The following AGBL1 variants were observed in gnomAD, a reference collection of about 807,000 sequenced individuals.
AGBL1 encodes the protein cytosolic carboxypeptidase 4.
A neutral mutation model predicts 118.9 loss-of-function variants in AGBL1; 130 were observed. The observed-to-expected ratio is 1.09, with a 90% CI of 0.95 to 1.26. The LOEUF is 1.26. Ranked by LOEUF, AGBL1 falls within the 50% of genes most tolerant of loss-of-function variation. AGBL1 has a pLI of 0.00. For synonymous variants in AGBL1, 555 were observed against 478.9 expected, an observed-to-expected ratio of 1.16 and a Z score of -2.08; for missense variants, 1,584 against 1,298.1, an observed-to-expected ratio of 1.22 and a Z score of -3.38.
chr15:86,325,545 T>C (rs2080170936), intron 17 of AGBL1, among the ~76,000 whole-genome samples: 1 of 152,098 alleles, frequency 6.6e-6, no homozygotes, highest in Non-Finnish European at 1.5e-5. Context: ...AAATACACGA[T>C]AGGGAATCAG....
At chr15:86,839,070 T>C (rs932809085) in intron 22 of AGBL1, among the ~76,000 whole-genome samples, 10 of 149,408 alleles carry the variant, frequency 6.7e-5, no homozygotes, top group Admixed American at 1.3e-4. Flanking sequence ...CATATTATAA[T>C]CCAAAGGTTG....
At chr15:86,798,398 A>T (rs1326676244) in intron 22 of AGBL1, among the ~76,000 whole-genome samples, 1 of 152,134 alleles carries the variant, frequency 6.6e-6, no homozygotes, top group Non-Finnish European at 1.5e-5. Flanking sequence ...CTTAAGGATT[A>T]TGTAAACAAA....
chr15:86,120,195 T>C (rs1267644178), intron 1 of AGBL1, among the ~76,000 whole-genome samples: 2 of 152,170 alleles, frequency 1.3e-5, no homozygotes, highest in African/African-American at 4.8e-5. Flanking sequence ...TACTTGGGGC[T>C]GTAAGATATG....
At chr15:86,919,953 G>C (rs941767493), downstream of AGBL1, among the ~76,000 whole-genome samples, 1 of 152,118 alleles carries the variant, frequency 6.6e-6, no homozygotes, top group Non-Finnish European at 1.5e-5. Flanking sequence ...GCAGGCTCAT[G>C]GGGGAGGGAT....
intron 10 of AGBL1, among the ~76,000 whole-genome samples, chr15:86,263,892 A>G (rs2079031094): frequency 6.6e-6 from 1 of 152,220 alleles, no homozygotes; most frequent in Non-Finnish European, 1.5e-5. Context: ...ATTTCAGTTT[A>G]GTATAAAAAT....
chr15:86,272,889 A>T (rs2079184196), intron 15 of AGBL1, among the ~76,000 whole-genome samples: 1 of 152,150 alleles, frequency 6.6e-6, no homozygotes, highest in Admixed American at 6.5e-5. Context: ...TCTCTGGCTC[A>T]CCTATCTTAA....
chr15:86,387,049 G>C (rs968005539), intron 17 of AGBL1, among the ~76,000 whole-genome samples: 8 of 152,148 alleles, frequency 5.3e-5, no homozygotes, highest in Non-Finnish European at 1.0e-4. Context: ...GAGAAATAAG[G>C]TATGGAAAGC....
chr15:86,739,730 A>G (rs2077651093), intron 22 of AGBL1, among the ~76,000 whole-genome samples: 1 of 152,140 alleles, frequency 6.6e-6, no homozygotes, highest in Non-Finnish European at 1.5e-5. Flanking sequence ...TACTTTTATC[A>G]TTGTCCCTTT....
intron 22 of AGBL1, among the ~76,000 whole-genome samples, chr15:86,845,674 A>G (rs1485721190): frequency 1.3e-5 from 2 of 152,154 alleles, no homozygotes; most frequent in African/African-American, 4.8e-5. Flanking sequence ...ATCTTTTTTG[A>G]TAGAGCACCA....
chr15:86,759,692 A>G (rs891802019), intron 22 of AGBL1, among the ~76,000 whole-genome samples: 1 of 152,126 alleles, frequency 6.6e-6, no homozygotes, highest in Non-Finnish European at 1.5e-5. Context: ...GATACAGAAT[A>G]TGGAAGAACA....
chr15:86,176,733 G>A (rs906858559), intron 5 of AGBL1, among the ~76,000 whole-genome samples: 9 of 152,112 alleles, frequency 5.9e-5, no homozygotes, highest in Non-Finnish European at 1.3e-4. Context: ...TTGGGTCTGG[G>A]GAGTGTGTGG....
chr15:86,552,519 G>GC (rs1238602199), intron 20 of AGBL1, among the ~76,000 whole-genome samples: 2 of 152,138 alleles, frequency 1.3e-5, no homozygotes, highest in Admixed American at 6.5e-5. Context: ...TATTTGACCA[G>GC]CCCCCCAGGG....
chr15:86,190,762 T>G (rs2077706777), intron 5 of AGBL1, among the ~76,000 whole-genome samples: 2 of 152,164 alleles, frequency 1.3e-5, no homozygotes, highest in Non-Finnish European at 2.9e-5. Context: ...TTAACGACAT[T>G]TATGTAGAAT....
Position 86,256,959 on chromosome 15 carries a change from C to T in AGBL1, c.842C>T (p.Ala281Val). 1 of 1,613,926 alleles carries T rather than the reference C, an allele frequency of 6.2e-7. No individual in the cohort carries two copies. The highest frequency in any genetic ancestry group is 8.5e-7 in the Non-Finnish European group (1 of 1,179,864). ...CTTCCCTTGGTCACAGCCAGCAGTG[C>T]CTATGCCTTCCCGGTCCCCGGGTGC... Reference protein sequence around the residue: ...SPLPLVTASSAYAFPVPGCIT... With the variant: ...SPLPLVTASSVYAFPVPGCIT... Residue 281 changes from alanine to valine, a missense_variant, in exon 8 of 23, where the codon GCC becomes GTC. Ala to Val is a moderately conservative substitution (Grantham distance 64). Transcript: ENST00000614907.
At chr15:86,901,294 A>C (rs1338869980) in intron 22 of AGBL1, among the ~76,000 whole-genome samples, 1 of 152,112 alleles carries the variant, frequency 6.6e-6, no homozygotes, top group East Asian at 1.9e-4. Context: ...AGTTTTAGAA[A>C]ACATTAATTG....
At chr15:86,720,090 C>G (rs1437757727) in intron 22 of AGBL1, among the ~76,000 whole-genome samples, 1 of 152,196 alleles carries the variant, frequency 6.6e-6, no homozygotes, top group Non-Finnish European at 1.5e-5. Flanking sequence ...CAAGTATATA[C>G]AGATTACTGT....
chr15:86,353,846 A>G (rs749695876), intron 17 of AGBL1, among the ~76,000 whole-genome samples: 15 of 152,220 alleles, frequency 9.9e-5, no homozygotes, highest in Middle Eastern at 3.2e-3. Flanking sequence ...TGAGAGTCGT[A>G]TGAGAACCCA....
chr15:87,031,358 T>C (rs1441007196), downstream of AGBL1, among the ~76,000 whole-genome samples: 15 of 151,934 alleles, frequency 9.9e-5, no homozygotes. Context: ...ATGAAAAATA[T>C]ACATTTACAG....
chr15:86,948,156 T>C (rs1029936442), intron 23 of AGBL1, among the ~76,000 whole-genome samples: 3 of 152,110 alleles, frequency 2.0e-5, no homozygotes, highest in African/African-American at 7.2e-5. Context: ...GCTCCCTGAC[T>C]TGGGGGGAGG....
Sources: allele counts gnomAD v4.1 joint callset (sites outside exome capture counted in the v4.1 genomes callset), GRCh38; gene constraint gnomAD v4.1.1; transcripts MANE v1.5; gene names NCBI Gene and HGNC (gene_info 2026-07-23, HGNC 2026-07-21).